ABCC9: variants seen among roughly 807,000 people sequenced by gnomAD.
The protein encoded by ABCC9 is ATP binding cassette subfamily C member 9.
ABCC9 carries 95 observed loss-of-function variants against 188.3 expected under a neutral mutation model. That is an observed-to-expected ratio of 0.50 (90% CI 0.43 to 0.60). The LOEUF (loss-of-function observed/expected upper bound fraction) is 0.60. Ranked by LOEUF, ABCC9 falls within the 20% of genes least tolerant of loss-of-function variation. The pLI is 0.00. For synonymous variants in ABCC9, 659 were observed against 652.7 expected (o/e 1.01, Z -0.15); for missense variants, 1,102 against 1,876.3 (o/e 0.59, Z 7.62).
At chr12:21,834,837 TGAG>T (rs1158906225) in intron 30 of ABCC9, among the ~76,000 whole-genome samples, 50 of 136,210 alleles carry the variant, frequency 3.7e-4, no homozygotes, top group African/African-American at 1.1e-3. Flanking sequence ...AGTGCGCACA[TGAG>T]GAGGGAGCCC....
Position 21,815,768 on chromosome 12 carries a change from G to C in ABCC9, c.4018C>G (p.Gln1340Glu), listed in dbSNP as rs1158703930. The change falls in exon 34 of 40, where the codon CAA (glutamine) becomes GAA (glutamate). Residue 1340 changes from glutamine (Q) to glutamate (E), a missense_variant. Physicochemically the swap from Gln to Glu is conservative, Grantham distance 29. Around this residue, in one of 12 missense-constraint regions of ABCC9, gnomAD observed 143 missense variants for 225.6 expected, o/e 0.63. Coordinates refer to ENST00000261200, the MANE Select transcript of ABCC9 (RefSeq NM_020297.4). The part of the protein sequence containing the change: ...KHVKAYIKPG[Q>E]KVGICGRTGS... ...CAAATGCAGTGATTTCATACCTTTT[G>C]TCCAGGTTTGATGTAAGCCTTGACG... 1.9e-6 allele frequency: 3 copies of C among 1,612,672 alleles called. No homozygotes were observed. Among genetic ancestry groups the C allele is most frequent in the Non-Finnish European group, 2.5e-6 (3 of 1,179,344 alleles).
At position 21,863,071 on chromosome 12, in the gene ABCC9, A is replaced by G. The variant is rs77947270; in HGVS notation, c.2238-17T>C. 7.5e-5 allele frequency: 47 copies of G among 623,706 alleles called. No homozygotes were observed. The South Asian group carries it at 1.4e-3, about 19-fold the overall frequency. 38.6% of individuals were successfully genotyped at this position (623,706 alleles called of 1,614,324 possible). A position where few individuals can be genotyped will look rare whatever the true frequency, so the allele number is the denominator to read the frequency against. On this transcript the variant is annotated splice_polypyrimidine_tract_variant and intron_variant, in intron 19 of 39. Coordinates refer to ENST00000261200, the MANE Select transcript of ABCC9 (RefSeq NM_020297.4). ...CTGTTCCTACTGAAAAATGAAAAAG[A>G]AAAAAAAAAACACCAGGATTATGCA... is the stretch of plus-strand genomic sequence containing the variant.
intron 3 of ABCC9, among the ~76,000 whole-genome samples, chr12:21,934,476 TC>T (rs1297836700): frequency 6.6e-6 from 1 of 152,080 alleles, no homozygotes; most frequent in African/African-American, 2.4e-5. Flanking sequence ...AAGCTAAATT[TC>T]TTGATGATGA....
At chr12:21,893,551 A>G (rs1947272067) in intron 14 of ABCC9, among the ~76,000 whole-genome samples, 1 of 152,194 alleles carries the variant, frequency 6.6e-6, no homozygotes, top group Non-Finnish European at 1.5e-5. Context: ...GACCTCAAAG[A>G]TGTGCATATT....
chr12:21,890,391 A>G (rs1304006055), intron 14 of ABCC9, among the ~76,000 whole-genome samples: 1 of 152,234 alleles, frequency 6.6e-6, no homozygotes, highest in African/African-American at 2.4e-5. Flanking sequence ...ATGACACTGA[A>G]CTACTTTTAA....
intron 12 of ABCC9, among the ~76,000 whole-genome samples, chr12:21,904,724 A>G (rs186190425): frequency 1.3e-5 from 2 of 152,360 alleles, no homozygotes; most frequent in Non-Finnish European, 2.9e-5. Context: ...TAAAACCACA[A>G]TGAGATACCA....
At chr12:21,934,556 T>C (rs1482438934) in intron 3 of ABCC9, among the ~76,000 whole-genome samples, 2 of 152,014 alleles carry the variant, frequency 1.3e-5, no homozygotes, top group Admixed American at 6.6e-5. Context: ...AAATTCAAGG[T>C]TGTATGTTAG....
rs1457462968 is a variant in ABCC9 at position 21,797,983 on chromosome 12, G to A, written c.*3061C>T. 6.6e-6 allele frequency: 1 copy of A among 152,000 alleles called. No individual in the cohort carries two copies. Among genetic ancestry groups the A allele is most frequent in the Non-Finnish European group, 1.5e-5 (1 of 68,000 alleles). The allele number at this position is 152,000 out of a possible 1,614,324, so 9.4% of individuals were successfully genotyped here. A position where few individuals can be genotyped will look rare whatever the true frequency, so the allele number is the denominator to read the frequency against. ...CCTATATAGTCAAATATTATTTCAA[G>A]GTGAATCTTTTTATATTCAATAGAT... On this transcript the variant is annotated 3_prime_UTR_variant, in exon 40 of 40. Coordinates refer to ENST00000261200, the MANE Select transcript of ABCC9 (RefSeq NM_020297.4).
chr12:21,933,645 T>G, intron 4 of ABCC9, 137 bp downstream of exon 4: 1 of 914,704 alleles, frequency 1.1e-6, no homozygotes, highest in South Asian at 1.6e-5. Flanking sequence ...CATAAGAACT[T>G]CCTGCAAGAG....
chr12:21,833,048 CATTT>C (rs1405014941), intron 30 of ABCC9, among the ~76,000 whole-genome samples: 1 of 152,102 alleles, frequency 6.6e-6, no homozygotes, highest in Non-Finnish European at 1.5e-5. Context: ...CATATGTTCT[CATTT>C]ATAAGTGGGA....
chr12:21,890,930 T>C (rs924734707), intron 14 of ABCC9, among the ~76,000 whole-genome samples: 1 of 151,748 alleles, frequency 6.6e-6, no homozygotes, highest in African/African-American at 2.4e-5. Flanking sequence ...TGTAACAAAC[T>C]TGCACGTTGT....
intron 5 of ABCC9, among the ~76,000 whole-genome samples, chr12:21,922,540 G>T (rs1024266284): frequency 1.3e-5 from 2 of 151,714 alleles, no homozygotes; most frequent in Non-Finnish European, 2.9e-5. Context: ...ACAATAAAAG[G>T]AAAGCAAAGA....
At chr12:21,911,050 A>C (rs1948301976) in intron 8 of ABCC9, 72 bp from the exon 9 acceptor site, 1 of 1,388,636 alleles carries the variant, frequency 7.2e-7, no homozygotes, top group Admixed American at 1.8e-5. Context: ...GTTTGCATTT[A>C]TTAAAAGATA....
chr12:21,818,911 C>T (rs1700930207), intron 31 of ABCC9, among the ~76,000 whole-genome samples: 1 of 152,018 alleles, frequency 6.6e-6, no homozygotes, highest in South Asian at 2.1e-4. Context: ...AACTACCTGG[C>T]TCAGAGTCTG....
chr12:21,810,614 T>A (rs576726934), intron 36 of ABCC9, among the ~76,000 whole-genome samples: 1 of 152,100 alleles, frequency 6.6e-6, no homozygotes, highest in Non-Finnish European at 1.5e-5. Flanking sequence ...CTCACTATTA[T>A]GAGAACAGCA....
rs552234704 is a variant in ABCC9 at position 21,808,787 on chromosome 12, A to G, written c.4315+1065T>C. 6.6e-5 allele frequency among the ~76,000 whole-genome samples: 10 copies of G among 151,548 alleles called. No homozygotes were observed. The South Asian group carries it at 1.2e-3, about 19-fold the overall frequency. On this transcript the variant is annotated intron_variant, in intron 37 of 39. Transcript: ENST00000261200. ...TAGCGAGAACTTGTCTCAAAAAAAA[A>G]AAAAAAAAAAAAGAAAAAATCATTA...
At chr12:21,908,288 T>A in intron 10 of ABCC9, 77 bp from the exon 11 acceptor site, 3 of 1,512,496 alleles carry the variant, frequency 2.0e-6, no homozygotes, top group Non-Finnish European at 2.7e-6. Flanking sequence ...TAATTTTTAG[T>A]GCAAATGTAG....
intron 29 of ABCC9, among the ~76,000 whole-genome samples, chr12:21,841,311 A>AAAT (rs1277208670): frequency 2.0e-5 from 3 of 151,164 alleles, no homozygotes; most frequent in Non-Finnish European, 4.4e-5. Context: ...TAATAATATT[A>AAAT]AATCACTTAC....
intron 5 of ABCC9, chr12:21,925,448 C>A (rs747181159): frequency 2.9e-6 from 2 of 699,722 alleles, no homozygotes; most frequent in South Asian, 3.0e-5. Context: ...TAGAAACATA[C>A]TCTGCTACAT....
Sources: allele counts gnomAD v4.1 joint callset (sites outside exome capture counted in the v4.1 genomes callset), GRCh38; gene constraint gnomAD v4.1.1; regional missense constraint gnomAD v4.1.1; transcripts MANE v1.5; gene names NCBI Gene and HGNC (gene_info 2026-07-23, HGNC 2026-07-21).